The following CHRM2 variants were observed in gnomAD, a reference collection of about 807,000 sequenced individuals.
CHRM2 encodes the protein muscarinic acetylcholine receptor M2.
A neutral mutation model predicts 25.0 loss-of-function variants in CHRM2; 8 were observed. The observed-to-expected ratio is 0.32, with a 90% CI of 0.19 to 0.58. The LOEUF (loss-of-function observed/expected upper bound fraction) is 0.58, where lower values mean the gene tolerates loss of function less well. Among genes scored for constraint, CHRM2 ranks in the 20% least tolerant of loss-of-function variants. The pLI, the probability that CHRM2 is intolerant of heterozygous loss-of-function variation, is 0.88. For missense variants in CHRM2, 440 were observed against 567.1 expected (o/e 0.78, Z 2.28); for synonymous variants, 202 against 205.7 (o/e 0.98, Z 0.15).
In CHRM2 at chr7:136,868,875, T is replaced by G. The variant is rs1482552199; in HGVS notation, c.-400T>G. 6.6e-6 allele frequency: 1 copy of G among 152,212 alleles called. No individual in the cohort carries two copies. The highest frequency in any genetic ancestry group is 2.4e-5 in the African/African-American group (1 of 41,430). 9.4% of individuals were successfully genotyped at this position (152,212 alleles called of 1,614,324 possible). On this transcript the variant is annotated 5_prime_UTR_variant, in exon 1 of 4. Coordinates refer to ENST00000680005, the MANE Select transcript of CHRM2 (RefSeq NM_001006630.2). ...CCGAGGTACCCGAATAGGTGTTGCC[T>G]CCCAAAACTAATTCCTACTTCCCCA...
intron 3 of CHRM2, among the ~76,000 whole-genome samples, chr7:136,996,190 A>G (rs1050998445): frequency 7.9e-5 from 12 of 151,996 alleles, no homozygotes; most frequent in African/African-American, 1.7e-4. Flanking sequence ...AGTTTAAAGT[A>G]TAAAATATAT....
At chr7:136,919,208 G>A (rs927583300) in intron 2 of CHRM2, among the ~76,000 whole-genome samples, 3 of 152,020 alleles carry the variant, frequency 2.0e-5, no homozygotes, top group Admixed American at 6.6e-5. Context: ...GACATTCACA[G>A]TATAGAAGTG....
At chr7:136,902,100 T>C (rs959140936) in intron 2 of CHRM2, 1 of 152,050 alleles carries the variant, frequency 6.6e-6, no homozygotes, top group Admixed American at 6.6e-5. Context: ...ATGGCTTTCA[T>C]TAGGCTCCAT....
At chr7:136,964,893 C>T (rs78973297) in intron 2 of CHRM2, among the ~76,000 whole-genome samples, 2,851 of 152,282 alleles carry the variant, frequency 0.019, 39 homozygotes, top group Middle Eastern at 0.054. Context: ...AAGCTTCCTT[C>T]CCTTCCTTTC....
chr7:136,940,805 G>A (rs920781213), intron 2 of CHRM2, among the ~76,000 whole-genome samples: 2 of 152,130 alleles, frequency 1.3e-5, no homozygotes, highest in Admixed American at 6.6e-5. Context: ...GAATTAGATA[G>A]GTTATATAAC....
At chr7:136,889,815 G>T (rs1332203663) in intron 2 of CHRM2, among the ~76,000 whole-genome samples, 1 of 152,074 alleles carries the variant, frequency 6.6e-6, no homozygotes, top group African/African-American at 2.4e-5. Flanking sequence ...CGGGAATGTT[G>T]TTTTTTTCTC....
intron 2 of CHRM2, among the ~76,000 whole-genome samples, chr7:136,968,825 T>C (rs910248703): frequency 6.6e-6 from 1 of 151,184 alleles, no homozygotes; most frequent in Non-Finnish European, 1.5e-5. Flanking sequence ...TGGAGGACAT[T>C]ATGCGGAGTG....
At chr7:136,930,352 G>T (rs1045335692) in intron 2 of CHRM2, among the ~76,000 whole-genome samples, 1 of 151,714 alleles carries the variant, frequency 6.6e-6, no homozygotes, top group Non-Finnish European at 1.5e-5. Flanking sequence ...CAACAATAAA[G>T]GTTTCAAAAA....
At chr7:136,905,646 CCT>C (rs1797495327) in intron 2 of CHRM2, among the ~76,000 whole-genome samples, 1 of 151,402 alleles carries the variant, frequency 6.6e-6, no homozygotes, top group South Asian at 2.1e-4. Flanking sequence ...AGATCAATCC[CCT>C]TTAAGTATTT....
At position 136,941,681 on chromosome 7, in the gene CHRM2, T is replaced by C. The variant is rs139272805; in HGVS notation, c.-124-50506T>C. Among the ~76,000 whole-genome samples, 842 of 152,358 alleles carry C rather than the reference T, an allele frequency of 5.5e-3. 6 individuals carry two copies. Among genetic ancestry groups the C allele is most frequent in the African/African-American group, 0.019 (800 of 41,576 alleles). On this transcript the variant is annotated intron_variant, in intron 2 of 3. Coordinates refer to ENST00000680005, the MANE Select transcript of CHRM2 (RefSeq NM_001006630.2). ...CATATATGTAACTACAGGCAAAGTCTAGTGAAATGCCACTGAGAATATCAG... is the reference window on the plus strand; with the variant it reads ...CATATATGTAACTACAGGCAAAGTCCAGTGAAATGCCACTGAGAATATCAG...
chr7:136,941,733 CTTTTG>C (rs1251484255), intron 2 of CHRM2, among the ~76,000 whole-genome samples: 1 of 152,090 alleles, frequency 6.6e-6, no homozygotes, highest in Admixed American at 6.6e-5. Flanking sequence ...TTGCTTTTTG[CTTTTG>C]TTTTATTATT....
intron 2 of CHRM2, among the ~76,000 whole-genome samples, chr7:136,925,103 C>T (rs1798667129): frequency 6.6e-6 from 1 of 152,080 alleles, no homozygotes; most frequent in African/African-American, 2.4e-5. Context: ...CTGTTAATGT[C>T]CCACTTAAAA....
At chr7:136,920,289 T>G (rs947704143) in intron 2 of CHRM2, among the ~76,000 whole-genome samples, 3 of 152,146 alleles carry the variant, frequency 2.0e-5, no homozygotes, top group African/African-American at 7.2e-5. Flanking sequence ...CTCCTTTATT[T>G]TATAGTTATT....
At position 136,903,269 on chromosome 7, in the gene CHRM2, C is replaced by T. The variant is rs1044051919; in HGVS notation, c.-125+33851C>T. 5.6e-6 allele frequency: 3 copies of T among 533,654 alleles called. No homozygotes were observed. In the African/African-American group the frequency reaches 5.8e-5, roughly 10 times the overall value. 33.1% of individuals were successfully genotyped at this position (533,654 alleles called of 1,614,324 possible). ...ACCTGGAGGACTCCATGCTGTTGAG[C>T]TGTTCACAAGCAGCGGACACTTCCA... is the stretch of plus-strand genomic sequence containing the variant. On this transcript the variant is annotated intron_variant, in intron 2 of 3. Coordinates refer to ENST00000680005, the MANE Select transcript of CHRM2 (RefSeq NM_001006630.2).
intron 2 of CHRM2, among the ~76,000 whole-genome samples, chr7:136,950,783 C>T (rs186800367): frequency 3.3e-5 from 5 of 149,784 alleles, no homozygotes; most frequent in Non-Finnish European, 4.4e-5. Flanking sequence ...AACCCCCAAC[C>T]TGTTGTTGTT....
chr7:136,958,965 C>G (rs917998549), intron 2 of CHRM2, among the ~76,000 whole-genome samples: 2 of 152,148 alleles, frequency 1.3e-5, no homozygotes, highest in Non-Finnish European at 2.9e-5. Context: ...TATGGTCTCT[C>G]TGAGGCCCAC....
intron 2 of CHRM2, among the ~76,000 whole-genome samples, chr7:136,894,603 C>T (rs550235989): frequency 6.6e-6 from 1 of 152,240 alleles, no homozygotes; most frequent in East Asian, 1.9e-4. Flanking sequence ...AACTCCTGAC[C>T]TCAGGTGATC....
chr7:136,880,864 G>A (rs1450569728), intron 2 of CHRM2, among the ~76,000 whole-genome samples: 2 of 151,716 alleles, frequency 1.3e-5, no homozygotes, highest in Admixed American at 1.3e-4. Flanking sequence ...TGTCCTAAGG[G>A]ATATCCTAAG....
intron 2 of CHRM2, among the ~76,000 whole-genome samples, chr7:136,980,866 G>A (rs910145938): frequency 2.6e-5 from 4 of 152,046 alleles, no homozygotes; most frequent in Non-Finnish European, 5.9e-5. Context: ...GAGGATTTTC[G>A]CATCGATGTT....
Sources: allele counts gnomAD v4.1 joint callset (sites outside exome capture counted in the v4.1 genomes callset), GRCh38; gene constraint gnomAD v4.1.1; transcripts MANE v1.5; gene names NCBI Gene and HGNC (gene_info 2026-07-23, HGNC 2026-07-21).